The following DRD3 variants were observed in gnomAD, a reference collection of about 807,000 sequenced individuals.
DRD3 encodes D(3) dopamine receptor.
DRD3 carries 19 observed loss-of-function variants against 36.3 expected under a neutral mutation model. The ratio of observed to expected loss-of-function variants is 0.52; its 90% CI spans 0.36 to 0.77. The LOEUF is 0.77. Among genes scored for constraint, DRD3 ranks in the 30% least tolerant of loss-of-function variants. The pLI is 0.00. For synonymous variants in DRD3, 195 were observed against 203.7 expected, an observed-to-expected ratio of 0.96 and a Z score of 0.36; for missense variants, 465 against 505.3, an observed-to-expected ratio of 0.92 and a Z score of 0.77.
At chr3:114,143,455 G>C (rs1233073368) in intron 4 of DRD3, among the ~76,000 whole-genome samples, 2 of 152,228 alleles carry the variant, frequency 1.3e-5, no homozygotes, top group Admixed American at 1.3e-4. Flanking sequence ...AGGCATCTAT[G>C]AGGCTTTTGC....
intron 1 of DRD3, among the ~76,000 whole-genome samples, chr3:114,175,544 C>A (rs1448760931): frequency 6.6e-6 from 1 of 152,208 alleles, no homozygotes; most frequent in Non-Finnish European, 1.5e-5. Flanking sequence ...GCATCTCACT[C>A]ATTTTTGCTT....
In DRD3 at chr3:114,159,837, T is replaced by C. The variant is rs761232724; in HGVS notation, c.301A>G (p.Ile101Val). Reference sequence around the variant, plus strand: ...AGGGTGACAAAAACATCACAGCAAATGCGGCTGAAATTCCAGACTCCACCT... The same window carrying C: ...AGGGTGACAAAAACATCACAGCAAACGCGGCTGAAATTCCAGACTCCACCT... The part of the protein sequence containing the change: ...VTGGVWNFSR[I>V]CCDVFVTLDV... Residue 101 changes from isoleucine (I) to valine (V), a missense_variant, in exon 3 of 7, where the codon ATT (isoleucine) becomes GTT (valine). Ile to Val is a conservative substitution (Grantham distance 29). Coordinates refer to ENST00000383673, the MANE Select transcript of DRD3 (RefSeq NM_000796.6). 2.5e-6 allele frequency: 4 copies of C among 1,614,020 alleles called. No individual in the cohort carries two copies. Among genetic ancestry groups the C allele is most frequent in the Non-Finnish European group, 3.4e-6 (4 of 1,179,970 alleles).
At chr3:114,169,875 C>A (rs1438790730) in intron 2 of DRD3, among the ~76,000 whole-genome samples, 1 of 152,184 alleles carries the variant, frequency 6.6e-6, no homozygotes, top group Non-Finnish European at 1.5e-5. Context: ...ATCACAAATA[C>A]ATAGCCAACA....
At chr3:114,144,838 G>C (rs1194988471) in intron 4 of DRD3, among the ~76,000 whole-genome samples, 2 of 152,148 alleles carry the variant, frequency 1.3e-5, no homozygotes, top group East Asian at 3.9e-4. Context: ...AGAGAAGTGA[G>C]AGCGCACATA....
chr3:114,130,539 C>T (rs368111510), intron 6 of DRD3, among the ~76,000 whole-genome samples: 13 of 151,658 alleles, frequency 8.6e-5, no homozygotes. Context: ...ATTCTCCTGC[C>T]TCAGCCTCCT....
intron 4 of DRD3, among the ~76,000 whole-genome samples, chr3:114,139,955 A>T (rs1364829315): frequency 6.6e-6 from 1 of 152,250 alleles, no homozygotes; most frequent in Non-Finnish European, 1.5e-5. Flanking sequence ...AAGATGAATG[A>T]GACACCATGT....
intron 1 of DRD3, chr3:114,176,045 G>A (rs955973727): frequency 2.6e-5 from 4 of 152,234 alleles, no homozygotes; most frequent in African/African-American, 9.6e-5. Flanking sequence ...GGAACAGAGA[G>A]TTGTCAGGTC....
At position 114,156,761 on chromosome 3, in the gene DRD3, TTCTTTCTTTCTTTCTTTC is replaced by T. The variant is rs2077676087; in HGVS notation, c.383+2976_383+2993del. On this transcript the variant is annotated intron_variant, in intron 3 of 6. Coordinates refer to ENST00000383673, the MANE Select transcript of DRD3 (RefSeq NM_000796.6). ...TCTTTCTTTTTCTTTCTTTCTTTCT[TTCTTTCTTTCTTTCTTTC>T]TTTCTTTCTTTCTTTCTTTCTCTTT... Among the ~76,000 whole-genome samples the T allele has an allele frequency of 1.4e-4, 15 of 104,848 alleles. No homozygotes were observed. The South Asian group carries it at 3.1e-3, about 22-fold the overall frequency. 68.8% of individuals were successfully genotyped at this position (104,848 alleles called of 152,430 possible).
At chr3:114,143,086 C>G (rs547108623) in intron 4 of DRD3, among the ~76,000 whole-genome samples, 8 of 152,228 alleles carry the variant, frequency 5.3e-5, no homozygotes, top group Admixed American at 5.2e-4. Context: ...TAATGCCCCC[C>G]AGAAGCTGAC....
intron 4 of DRD3, among the ~76,000 whole-genome samples, chr3:114,146,709 AAAAAAG>A (rs1553765794): frequency 4.0e-5 from 6 of 151,150 alleles, no homozygotes; most frequent in Non-Finnish European, 5.9e-5. Context: ...AAAAAAAAAA[AAAAAAG>A]AAAAAGAAAA....
upstream of DRD3, among the ~76,000 whole-genome samples, chr3:114,180,679 G>T (rs1344644722): frequency 6.6e-6 from 1 of 152,130 alleles, no homozygotes; most frequent in Non-Finnish European, 1.5e-5. Flanking sequence ...GGGTTAGAGA[G>T]GTTAGGTTCC....
intron 5 of DRD3, among the ~76,000 whole-genome samples, chr3:114,139,120 A>G (rs908114062): frequency 6.6e-6 from 1 of 152,208 alleles, no homozygotes; most frequent in Non-Finnish European, 1.5e-5. Flanking sequence ...TCTTGGCATG[A>G]GTGGTTTAGA....
intron 2 of DRD3, 38 bp downstream of exon 2, chr3:114,171,685 A>G (rs2077843449): frequency 6.6e-7 from 1 of 1,512,726 alleles, no homozygotes; most frequent in Admixed American, 2.0e-5. Context: ...AAGTACTAGC[A>G]CAGTCATAGA....
chr3:114,132,982 A>G (rs1475011240), intron 5 of DRD3, among the ~76,000 whole-genome samples: 2 of 146,744 alleles, frequency 1.4e-5, no homozygotes, highest in African/African-American at 5.0e-5. Context: ...TGTCTTATAA[A>G]ACAGTCCGTA....
chr3:114,185,467 T>G (rs1443510492), intron 1 of DRD3, among the ~76,000 whole-genome samples: 1 of 152,182 alleles, frequency 6.6e-6, no homozygotes, highest in African/African-American at 2.4e-5. Flanking sequence ...TTAGTGTTTC[T>G]ATCTCTTCGC....
intron 1 of DRD3, among the ~76,000 whole-genome samples, chr3:114,197,658 T>A (rs1262242789): frequency 1.3e-5 from 2 of 152,334 alleles, no homozygotes; most frequent in African/African-American, 4.8e-5. Context: ...ATATTTTGCA[T>A]AATAATTTTC....
chr3:114,193,012 G>T (rs560617351), intron 1 of DRD3, among the ~76,000 whole-genome samples: 2 of 152,276 alleles, frequency 1.3e-5, no homozygotes, highest in East Asian at 3.9e-4. Flanking sequence ...GGGCCTGGTG[G>T]GTCATGCCTG....
chr3:114,193,296 A>G (rs962435585), intron 1 of DRD3, among the ~76,000 whole-genome samples: 1 of 152,014 alleles, frequency 6.6e-6, no homozygotes, highest in Non-Finnish European at 1.5e-5. Context: ...CAACGACAAC[A>G]ACAACAACAA....
chr3:114,146,991 A>G (rs1671105647), intron 4 of DRD3, among the ~76,000 whole-genome samples: 1 of 152,216 alleles, frequency 6.6e-6, no homozygotes, highest in African/African-American at 2.4e-5. Context: ...TTGAGTAAAA[A>G]GTTAGAAGTA....
Sources: allele counts gnomAD v4.1 joint callset (sites outside exome capture counted in the v4.1 genomes callset), GRCh38; gene constraint gnomAD v4.1.1; transcripts MANE v1.5; gene names NCBI Gene and HGNC (gene_info 2026-07-23, HGNC 2026-07-21).